The following HDX variants were observed in gnomAD, a reference collection of about 807,000 sequenced individuals.
HDX encodes chromosome X open reading frame 43.
In HDX, 19 loss-of-function variants were observed where a neutral mutation model predicts 45.2. That is an observed-to-expected ratio of 0.42 (90% CI 0.29 to 0.62). HDX has a LOEUF of 0.62. Among genes scored for constraint, HDX ranks in the 20% least tolerant of loss-of-function variants. HDX has a pLI of 0.20. For synonymous variants in HDX, 188 were observed against 172.8 expected, an observed-to-expected ratio of 1.09 and a Z score of -0.69; for missense variants, 532 against 493.9, an observed-to-expected ratio of 1.08 and a Z score of -0.73.
At chrX:84,324,562 C>T (rs757599987) in intron 10 of HDX, among the ~76,000 whole-genome samples, 1 of 111,264 alleles carries the variant, frequency 9.0e-6, no homozygotes, top group East Asian at 2.8e-4. Context: ...TCTCTTTCAA[C>T]CAACTTTTGT....
At chrX:84,457,395 T>G (rs2148109750) in intron 4 of HDX, among the ~76,000 whole-genome samples, 1 of 111,466 alleles carries the variant, frequency 9.0e-6, no homozygotes, top group Non-Finnish European at 1.9e-5. Context: ...CTCGGAAAAA[T>G]AACACATATT....
At chrX:84,404,372 C>T (rs2038769744) in intron 5 of HDX, among the ~76,000 whole-genome samples, 1 of 111,647 alleles carries the variant, frequency 9.0e-6, no homozygotes, top group Admixed American at 9.6e-5. Flanking sequence ...TAGGATATTA[C>T]AGCAATGGCA....
chrX:84,355,653 G>T (rs1204325050), intron 6 of HDX, among the ~76,000 whole-genome samples: 1 of 108,968 alleles, frequency 9.2e-6, no homozygotes, highest in African/African-American at 3.3e-5. Context: ...GGTGGGAATT[G>T]AACAATGAGA....
chrX:84,447,875 G>A (rs1439686425), intron 4 of HDX, among the ~76,000 whole-genome samples: 3 of 111,223 alleles, frequency 2.7e-5, no homozygotes, highest in Non-Finnish European at 5.7e-5. Flanking sequence ...ACCTGTGACT[G>A]AGATGCCTGC....
chrX:84,420,993 A>G (rs1304747107), intron 5 of HDX, among the ~76,000 whole-genome samples: 1 of 112,485 alleles, frequency 8.9e-6, no homozygotes, highest in African/African-American at 3.2e-5. Flanking sequence ...GATTTTATCA[A>G]CACTGGACAT....
At chrX:84,452,462 C>T (rs59873405) in intron 4 of HDX, among the ~76,000 whole-genome samples, 1 of 107,422 alleles carries the variant, frequency 9.3e-6, no homozygotes, top group Non-Finnish European at 1.9e-5. Context: ...CAAAAGAATT[C>T]TACAAGGAAA....
intron 5 of HDX, among the ~76,000 whole-genome samples, chrX:84,398,111 TAC>T (rs750276624): frequency 1.6e-4 from 18 of 109,304 alleles, no homozygotes; most frequent in African/African-American, 5.3e-4. Context: ...TATATATATA[TAC>T]ACACACACAC....
chrX:84,430,599 T>C (rs987838956), intron 5 of HDX, among the ~76,000 whole-genome samples: 4 of 110,806 alleles, frequency 3.6e-5, no homozygotes, highest in African/African-American at 1.3e-4. Context: ...CCTCCAGCTG[T>C]TCTCCATAGT....
At chrX:84,323,416 G>A (rs1272777942) in intron 10 of HDX, among the ~76,000 whole-genome samples, 2 of 110,599 alleles carry the variant, frequency 1.8e-5, no homozygotes, top group East Asian at 2.8e-4. Context: ...GATTTAACTC[G>A]CTTTGCAATT....
intron 4 of HDX, among the ~76,000 whole-genome samples, chrX:84,463,970 TTCTAGA>T (rs1294477564): frequency 1.8e-5 from 2 of 111,671 alleles, no homozygotes; most frequent in African/African-American, 6.5e-5. Flanking sequence ...GTACTCAGTT[TTCTAGA>T]TAGTTTGATA....
chrX:84,456,835 T>C (rs2040122335), intron 4 of HDX, among the ~76,000 whole-genome samples: 1 of 111,910 alleles, frequency 8.9e-6, no homozygotes, highest in Non-Finnish European at 1.9e-5. Context: ...ATAACAGTTG[T>C]AAATATATAT....
At chrX:84,494,397 C>A (rs1052405491) in intron 1 of HDX, among the ~76,000 whole-genome samples, 3 of 112,370 alleles carry the variant, frequency 2.7e-5, no homozygotes, top group Non-Finnish European at 5.6e-5. Flanking sequence ...TTGCAAATCA[C>A]AGTCTTGTTA....
intron 6 of HDX, among the ~76,000 whole-genome samples, chrX:84,351,826 A>G (rs941081634): frequency 9.0e-6 from 1 of 111,582 alleles, no homozygotes; most frequent in Non-Finnish European, 1.9e-5. Context: ...CTACTTAATG[A>G]GAAGAATAGG....
At chrX:84,396,082 C>A (rs772265220) in intron 5 of HDX, among the ~76,000 whole-genome samples, 1 of 111,977 alleles carries the variant, frequency 8.9e-6, no homozygotes, top group Non-Finnish European at 1.9e-5. Context: ...GGATCTATTT[C>A]TGAAGAATTA....
intron 9 of HDX, among the ~76,000 whole-genome samples, chrX:84,328,027 A>C (rs955181682): frequency 2.7e-5 from 3 of 110,216 alleles, no homozygotes; most frequent in African/African-American, 9.9e-5. Context: ...TATTTTGCCC[A>C]GGCTAGTCTT....
chrX:84,397,190 C>T (rs868444665), intron 5 of HDX, among the ~76,000 whole-genome samples: 15 of 112,062 alleles, frequency 1.3e-4, no homozygotes, highest in African/African-American at 4.5e-4. Flanking sequence ...GAGTCACTGC[C>T]TGTTGCCCAT....
chrX:84,470,119 G>A (rs2040428484), intron 3 of HDX, among the ~76,000 whole-genome samples: 1 of 111,351 alleles, frequency 9.0e-6, no homozygotes, highest in Admixed American at 9.6e-5. Context: ...CATACTATCA[G>A]ATTATTTATA....
At chrX:84,354,918 T>TACAC (rs1184413744) in intron 6 of HDX, among the ~76,000 whole-genome samples, 33 of 53,049 alleles carry the variant, frequency 6.2e-4, no homozygotes, top group Non-Finnish European at 8.7e-4. Flanking sequence ...TATATATATA[T>TACAC]ACACACACAC....
At chrX:84,402,478 C>T (rs1320945891) in intron 5 of HDX, among the ~76,000 whole-genome samples, 1 of 111,890 alleles carries the variant, frequency 8.9e-6, no homozygotes, top group Non-Finnish European at 1.9e-5. Context: ...TTTACCGTTT[C>T]TATAGTTTGC....
Sources: allele counts gnomAD v4.1 joint callset (sites outside exome capture counted in the v4.1 genomes callset), GRCh38; gene constraint gnomAD v4.1.1; transcripts MANE v1.5; gene names NCBI Gene and HGNC (gene_info 2026-07-23, HGNC 2026-07-21).